The following DCC variants were observed in gnomAD, a reference collection of about 807,000 sequenced individuals.
DCC encodes the protein netrin receptor DCC.
In DCC, 58 loss-of-function variants were observed where a neutral mutation model predicts 172.5. The ratio of observed to expected loss-of-function variants is 0.34; its 90% CI spans 0.27 to 0.42. The LOEUF (loss-of-function observed/expected upper bound fraction) is 0.42. Ranked by LOEUF, DCC falls within the 10% of genes least tolerant of loss-of-function variation. The probability of loss-of-function intolerance (pLI) is 1.00; values close to 1 mark genes in which losing one functional copy is unlikely to be tolerated. For missense variants in DCC, 1,740 were observed against 1,791.0 expected (o/e 0.97, Z 0.51); for synonymous variants, 709 against 644.5 (o/e 1.10, Z -1.52).
rs1312472699 is a variant in DCC at position 53,086,505 on chromosome 18, CTTCTTCTTCTTCT to C, written c.1261+20349_1261+20361del. Among the ~76,000 whole-genome samples, 2 of 45,078 alleles carry C rather than the reference CTTCTTCTTCTTCT, an allele frequency of 4.4e-5. 1 individual carries two copies. The highest frequency in any genetic ancestry group is 5.5e-4 in the African/African-American group (2 of 3,622). The allele number at this position is 45,078 out of a possible 152,430, so 29.6% of individuals were successfully genotyped here. A position where few individuals can be genotyped will look rare whatever the true frequency, so the allele number is the denominator to read the frequency against. ...TCTTCTTCTTTCTTCTTCTTCCTTT[CTTCTTCTTCTTCT>C]TTCTTCTTCCTTCTTCTTCTTCTTC... On this transcript the variant is annotated intron_variant, in intron 7 of 28. Transcript: ENST00000442544.
chr18:52,461,973 G>A (rs918662354), intron 1 of DCC, among the ~76,000 whole-genome samples: 2 of 152,054 alleles, frequency 1.3e-5, no homozygotes, highest in African/African-American at 2.4e-5. Context: ...TGAGTTGGAG[G>A]AAACTCAGTC....
chr18:53,229,694 G>T (rs1169615502), intron 12 of DCC, among the ~76,000 whole-genome samples: 1 of 151,976 alleles, frequency 6.6e-6, no homozygotes, highest in Non-Finnish European at 1.5e-5. Context: ...TTCTAGAGAA[G>T]GGCGGATGCT....
chr18:52,885,564 C>T (rs982064528), intron 2 of DCC, among the ~76,000 whole-genome samples: 4 of 152,092 alleles, frequency 2.6e-5, no homozygotes, highest in African/African-American at 9.7e-5. Context: ...AGTGGGTTCC[C>T]GTCTGGACAA....
chr18:53,474,357 A>G (rs542344769), intron 25 of DCC, among the ~76,000 whole-genome samples: 1 of 152,214 alleles, frequency 6.6e-6, no homozygotes, highest in Non-Finnish European at 1.5e-5. Flanking sequence ...TGATGCATCT[A>G]TATAATTCAA....
chr18:52,458,695 T>C (rs915820045), intron 1 of DCC, among the ~76,000 whole-genome samples: 3 of 152,152 alleles, frequency 2.0e-5, no homozygotes, highest in Admixed American at 2.0e-4. Flanking sequence ...ATATTCCTTA[T>C]CTAGAAGATG....
intron 1 of DCC, among the ~76,000 whole-genome samples, chr18:52,664,095 A>T (rs1316959130): frequency 1.3e-5 from 2 of 152,252 alleles, no homozygotes; most frequent in African/African-American, 4.8e-5. Context: ...TTGCTTTATC[A>T]TTATGGCCTG....
chr18:53,035,327 A>G (rs958039695), intron 5 of DCC, among the ~76,000 whole-genome samples: 1 of 152,078 alleles, frequency 6.6e-6, no homozygotes, highest in Non-Finnish European at 1.5e-5. Flanking sequence ...CTCCCTGAGA[A>G]TGGGAATTTC....
chr18:53,135,444 A>G (rs2043726238), intron 7 of DCC, among the ~76,000 whole-genome samples: 1 of 152,158 alleles, frequency 6.6e-6, no homozygotes, highest in African/African-American at 2.4e-5. Flanking sequence ...AAGGCAATAA[A>G]ATTTGATATT....
chr18:52,772,455 T>C (rs2037360673), intron 2 of DCC, among the ~76,000 whole-genome samples: 1 of 152,126 alleles, frequency 6.6e-6, no homozygotes, highest in Non-Finnish European at 1.5e-5. Flanking sequence ...AAGTTTAGAG[T>C]TGAAAAATTT....
chr18:52,658,779 G>A (rs1207752670), intron 1 of DCC, among the ~76,000 whole-genome samples: 2 of 151,992 alleles, frequency 1.3e-5, no homozygotes, highest in East Asian at 3.9e-4. Context: ...ATAGTCACCT[G>A]GATCATTCAT....
At chr18:53,090,317 G>T (rs1179352897) in intron 7 of DCC, among the ~76,000 whole-genome samples, 1 of 152,058 alleles carries the variant, frequency 6.6e-6, no homozygotes, top group Non-Finnish European at 1.5e-5. Context: ...CTTTCTGATA[G>T]TGAAAAATAT....
chr18:53,159,008 A>AAAG (rs34406723), intron 8 of DCC, among the ~76,000 whole-genome samples: 2 of 119,180 alleles, frequency 1.7e-5, no homozygotes, highest in Non-Finnish European at 3.3e-5. Flanking sequence ...AAAAAAAAGA[A>AAAG]GAAGATGTAG....
At chr18:52,745,494 T>C (rs2036893453) in intron 1 of DCC, among the ~76,000 whole-genome samples, 1 of 152,228 alleles carries the variant, frequency 6.6e-6, no homozygotes, top group African/African-American at 2.4e-5. Context: ...TTTTAATATG[T>C]ATTTTTATTT....
chr18:52,389,583 A>G (rs1390111420), intron 1 of DCC, among the ~76,000 whole-genome samples: 2 of 152,166 alleles, frequency 1.3e-5, no homozygotes, highest in East Asian at 1.9e-4. Flanking sequence ...ATGGTAACAT[A>G]GTACATAGTC....
intron 1 of DCC, among the ~76,000 whole-genome samples, chr18:52,742,239 C>T (rs1211107283): frequency 6.6e-6 from 1 of 152,152 alleles, no homozygotes; most frequent in Non-Finnish European, 1.5e-5. Context: ...ATGACAATAT[C>T]CTTCTTCACA....
chr18:53,217,030 C>T (rs73957106), intron 12 of DCC, among the ~76,000 whole-genome samples: 3,286 of 151,950 alleles, frequency 0.022, 138 homozygotes, highest in African/African-American at 0.075. Flanking sequence ...TGTTAGAATC[C>T]TCACTCACTT....
chr18:53,504,753 AGAG>A (rs2046149030), intron 27 of DCC, among the ~76,000 whole-genome samples: 1 of 152,226 alleles, frequency 6.6e-6, no homozygotes, highest in African/African-American at 2.4e-5. Context: ...TTAATTGCCC[AGAG>A]GAGAGAGAAA....
intron 22 of DCC, among the ~76,000 whole-genome samples, chr18:53,438,536 A>C (rs1444635815): frequency 6.6e-6 from 1 of 152,242 alleles, no homozygotes; most frequent in African/African-American, 2.4e-5. Flanking sequence ...CTAGGTATAC[A>C]TGAATAGGCA....
At chr18:53,207,942 T>G in intron 11 of DCC, 125 bp downstream of exon 11, 1 of 847,260 alleles carries the variant, frequency 1.2e-6, no homozygotes, top group Non-Finnish European at 2.0e-6. Context: ...TATGGACTAT[T>G]ACAGTTAAAT....
Sources: gnomAD v4.1 joint callset for allele counts (sites outside exome capture counted in the v4.1 genomes callset) on GRCh38, gnomAD v4.1.1 for gene constraint, MANE v1.5 for transcripts, NCBI Gene and HGNC (gene_info 2026-07-23, HGNC 2026-07-21) for gene names.